The following LGSN variants were observed in gnomAD, a reference collection of about 807,000 sequenced individuals.
The protein encoded by LGSN is lengsin.
LGSN carries 21 observed loss-of-function variants against 19.5 expected under a neutral mutation model. The observed-to-expected ratio is 1.07, with a 90% confidence interval of 0.76 to 1.55. The LOEUF (loss-of-function observed/expected upper bound fraction) is 1.55, where lower values mean the gene tolerates loss of function less well. LGSN is among the 40% of genes most tolerant of loss of function. The probability of loss-of-function intolerance (pLI) is 0.00; values close to 1 mark genes in which losing one functional copy is unlikely to be tolerated. For missense variants in LGSN, 673 were observed against 608.5 expected, an observed-to-expected ratio of 1.11 and a Z score of -1.12; for synonymous variants, 257 against 215.6, an observed-to-expected ratio of 1.19 and a Z score of -1.68.
At chr6:63,337,894 T>C in the LGSN span, among the ~76,000 whole-genome samples, 89 of 152,200 alleles carry the variant, frequency 5.8e-4, no homozygotes, top group African/African-American at 2.1e-3. Context: ...TATTTATTTA[T>C]TTCTCTTTTG....
chr6:63,398,459 AT>A, the LGSN span, among the ~76,000 whole-genome samples: 1 of 152,218 alleles, frequency 6.6e-6, no homozygotes, highest in Admixed American at 6.5e-5. Flanking sequence ...AAAGTAAAAA[AT>A]ACATGTAAAA....
At chr6:63,497,719 C>T in the LGSN span, among the ~76,000 whole-genome samples, 1 of 149,222 alleles carries the variant, frequency 6.7e-6, no homozygotes, top group Non-Finnish European at 1.5e-5. Flanking sequence ...CTACAGAAAA[C>T]TGACCTGGGG....
chr6:63,457,276 G>A, the LGSN span, among the ~76,000 whole-genome samples: 4 of 151,980 alleles, frequency 2.6e-5, no homozygotes, highest in Admixed American at 6.6e-5. Context: ...AGTCCGAGGC[G>A]GGTGGATCAC....
intron 1 of LGSN, among the ~76,000 whole-genome samples, chr6:63,306,978 C>T (rs1768418114): frequency 6.6e-6 from 1 of 151,990 alleles, no homozygotes; most frequent in African/African-American, 2.4e-5. Flanking sequence ...CTCAAAACTA[C>T]CGGAATGCTG....
chr6:63,340,838 TTGTGTGTG>T, the LGSN span, among the ~76,000 whole-genome samples: 3 of 146,720 alleles, frequency 2.0e-5, no homozygotes, highest in African/African-American at 5.0e-5. Flanking sequence ...TTTTTATGGT[TTGTGTGTG>T]TGTGTGTGTG....
At chr6:63,369,290 T>G in the LGSN span, among the ~76,000 whole-genome samples, 1 of 152,234 alleles carries the variant, frequency 6.6e-6, no homozygotes, top group African/African-American at 2.4e-5. Flanking sequence ...AGGAGAAATA[T>G]TTCTACATTG....
At chr6:63,468,223 G>A in the LGSN span, among the ~76,000 whole-genome samples, 1 of 151,950 alleles carries the variant, frequency 6.6e-6, no homozygotes, top group African/African-American at 2.4e-5. Flanking sequence ...CTCCCTCCTT[G>A]GTTCAAATGA....
chr6:63,526,805 A>ATG, the LGSN span, among the ~76,000 whole-genome samples: 1 of 86,064 alleles, frequency 1.2e-5, no homozygotes, highest in Non-Finnish European at 2.5e-5. Flanking sequence ...TCAAAAATGT[A>ATG]TATATATATA....
chr6:63,348,752 T>TC, the LGSN span, among the ~76,000 whole-genome samples: 1 of 151,264 alleles, frequency 6.6e-6, no homozygotes, highest in African/African-American at 2.4e-5. Flanking sequence ...TTTTTTTTTT[T>TC]TTTTTTTTGC....
the LGSN span, among the ~76,000 whole-genome samples, chr6:63,565,429 G>A: frequency 6.6e-6 from 1 of 151,870 alleles, no homozygotes; most frequent in South Asian, 2.1e-4. Context: ...CAAGAGAATT[G>A]TTTCTTAAAA....
chr6:63,446,714 T>C, the LGSN span, among the ~76,000 whole-genome samples: 1 of 152,182 alleles, frequency 6.6e-6, no homozygotes, highest in Non-Finnish European at 1.5e-5. Context: ...TGATGTGAGT[T>C]GGTGGTCTTA....
At chr6:63,491,688 A>G in the LGSN span, among the ~76,000 whole-genome samples, 5 of 152,198 alleles carry the variant, frequency 3.3e-5, no homozygotes, top group Non-Finnish European at 5.9e-5. Flanking sequence ...TAAATTGCCT[A>G]TAAACTGAAT....
chr6:63,474,424 T>C, the LGSN span, among the ~76,000 whole-genome samples: 320 of 151,552 alleles, frequency 2.1e-3, 1 homozygote, highest in African/African-American at 7.4e-3. Context: ...CTGGCTAACA[T>C]GGTGAAACCC....
the LGSN span, among the ~76,000 whole-genome samples, chr6:63,565,671 T>G: frequency 6.6e-6 from 1 of 152,328 alleles, no homozygotes; most frequent in South Asian, 2.1e-4. Flanking sequence ...GCCTTTGGAC[T>G]TTGTCCTTAG....
chr6:63,323,515 T>C (rs1769138964), upstream of LGSN, among the ~76,000 whole-genome samples: 2 of 150,912 alleles, frequency 1.3e-5, no homozygotes, highest in South Asian at 4.2e-4. Flanking sequence ...ATTCTACTTA[T>C]TGTGATAATA....
chr6:63,391,090 T>A, the LGSN span, among the ~76,000 whole-genome samples: 16,285 of 152,156 alleles, frequency 0.11, 1,795 homozygotes, highest in African/African-American at 0.29. Context: ...CTCAAATAGC[T>A]CTAATAGAAT....
intron 3 of LGSN, among the ~76,000 whole-genome samples, chr6:63,283,541 T>C (rs1245689251): frequency 6.6e-6 from 1 of 151,514 alleles, no homozygotes; most frequent in Admixed American, 6.6e-5. Flanking sequence ...ACAGAGATAA[T>C]ATAAGTTGGT....
chr6:63,402,273 CA>C, the LGSN span, among the ~76,000 whole-genome samples: 1 of 152,026 alleles, frequency 6.6e-6, no homozygotes, highest in Non-Finnish European at 1.5e-5. Flanking sequence ...TTCAGATAGC[CA>C]GAAGCAAGCT....
chr6:63,499,970 G>C, the LGSN span, among the ~76,000 whole-genome samples: 1 of 151,154 alleles, frequency 6.6e-6, no homozygotes, highest in Non-Finnish European at 1.5e-5. Flanking sequence ...GACAACTCAA[G>C]TTTCCATAAT....
Sources: allele counts gnomAD v4.1 joint callset (sites outside exome capture counted in the v4.1 genomes callset), GRCh38; gene constraint gnomAD v4.1.1; transcripts MANE v1.5; gene names NCBI Gene and HGNC (gene_info 2026-07-23, HGNC 2026-07-21).